NMNAT3: variants seen among roughly 807,000 people sequenced by gnomAD.
The protein encoded by NMNAT3 is nicotinamide/nicotinic acid mononucleotide adenylyltransferase 3.
A neutral mutation model predicts 24.8 loss-of-function variants in NMNAT3; 21 were observed. That is an observed-to-expected ratio of 0.85 (90% CI 0.60 to 1.22). The LOEUF (loss-of-function observed/expected upper bound fraction) is 1.22. NMNAT3 is among the 50% of genes most tolerant of loss of function. The pLI, the probability that NMNAT3 is intolerant of heterozygous loss-of-function variation, is 0.00. For missense variants in NMNAT3, 387 were observed against 436.6 expected (o/e 0.89, Z 1.01); for synonymous variants, 136 against 155.2 (o/e 0.88, Z 0.92).
chr3:139,652,006 C>T (rs1239561255), intron 1 of NMNAT3, among the ~76,000 whole-genome samples: 2 of 152,212 alleles, frequency 1.3e-5, no homozygotes, highest in Non-Finnish European at 2.9e-5. Context: ...GTCCAGCCCT[C>T]ACTGTTCCAC....
chr3:139,611,577 C>T (rs57346239), intron 3 of NMNAT3, among the ~76,000 whole-genome samples: 380 of 152,280 alleles, frequency 2.5e-3, no homozygotes, highest in African/African-American at 8.3e-3. Context: ...CTCTGAAGTT[C>T]ACCAAAATTC....
At chr3:139,589,783 A>C (rs1268486521) in intron 3 of NMNAT3, among the ~76,000 whole-genome samples, 4 of 152,162 alleles carry the variant, frequency 2.6e-5, no homozygotes, top group African/African-American at 9.7e-5. Flanking sequence ...TATGGATCAG[A>C]TTTGGCCCAT....
chr3:139,622,868 A>G (rs2055867862), intron 3 of NMNAT3, among the ~76,000 whole-genome samples: 1 of 145,460 alleles, frequency 6.9e-6, no homozygotes, highest in East Asian at 2.0e-4. Context: ...ATATATATAA[A>G]CAGTATACTT....
intron 1 of NMNAT3, among the ~76,000 whole-genome samples, chr3:139,660,013 T>C (rs868207759): frequency 7.9e-5 from 12 of 152,314 alleles, no homozygotes; most frequent in Middle Eastern, 3.4e-3. Flanking sequence ...TTCTTGAAGT[T>C]TGAGACCCAT....
chr3:139,652,784 A>T (rs1268455090), intron 1 of NMNAT3, among the ~76,000 whole-genome samples: 1 of 152,208 alleles, frequency 6.6e-6, no homozygotes, highest in Admixed American at 6.5e-5. Flanking sequence ...GAGATCCAAT[A>T]AACCACGCAT....
intron 1 of NMNAT3, among the ~76,000 whole-genome samples, chr3:139,675,145 C>CACACAA (rs1437669442): frequency 3.3e-5 from 5 of 151,728 alleles, no homozygotes; most frequent in Non-Finnish European, 5.9e-5. Flanking sequence ...TACACACACA[C>CACACAA]ACACACACAC....
intron 1 of NMNAT3, among the ~76,000 whole-genome samples, chr3:139,663,966 GT>G (rs34458260): frequency 1.3e-5 from 2 of 152,178 alleles, no homozygotes; most frequent in African/African-American, 4.8e-5. Flanking sequence ...CAACTACTGT[GT>G]TTTTTCCCCT....
intron 3 of NMNAT3, among the ~76,000 whole-genome samples, chr3:139,585,502 T>C (rs2053901957): frequency 6.6e-6 from 1 of 152,250 alleles, no homozygotes; most frequent in Non-Finnish European, 1.5e-5. Context: ...TTAGTCATAT[T>C]GTTTTCTTTT....
At position 139,644,501 on chromosome 3, in the gene NMNAT3, C is replaced by T. The variant is rs537718045; in HGVS notation, c.-140-6439G>A. On this transcript the variant is annotated intron_variant, in intron 1 of 6. Transcript: ENST00000643695. ...TCTTTGAGGATGTGTTCCAGCAAAA[C>T]AAGGAAGAAAAACAACCTAAGTAGA... is the stretch of plus-strand genomic sequence containing the variant. Among the ~76,000 whole-genome samples the T allele has an allele frequency of 3.3e-5, 5 of 152,202 alleles. No homozygotes were observed. The South Asian group carries it at 6.2e-4, about 19-fold the overall frequency.
At chr3:139,674,884 G>A (rs1332974470) in intron 1 of NMNAT3, among the ~76,000 whole-genome samples, 1 of 152,092 alleles carries the variant, frequency 6.6e-6, no homozygotes, top group Non-Finnish European at 1.5e-5. Flanking sequence ...TGAGGTCAGT[G>A]CTTCATATGC....
Position 139,673,565 on chromosome 3 carries a change from A to C in NMNAT3, c.-141+4140T>G, listed in dbSNP as rs2072122330. Among the ~76,000 whole-genome samples, 3 of 152,144 alleles carry C rather than the reference A, an allele frequency of 2.0e-5. No individual in the cohort carries two copies. In the South Asian group the frequency reaches 6.2e-4, roughly 32 times the overall value. ...ATAGTGATACTGACTATATTTCTCTATCTTTCTCCCTTCCACATGCGGCCC... is the reference window on the plus strand; with the variant it reads ...ATAGTGATACTGACTATATTTCTCTCTCTTTCTCCCTTCCACATGCGGCCC... On this transcript the variant is annotated intron_variant, in intron 1 of 6. Coordinates refer to ENST00000643695, the MANE Select transcript of NMNAT3 (RefSeq NM_001320510.2).
intron 3 of NMNAT3, among the ~76,000 whole-genome samples, chr3:139,592,408 CAGG>C (rs1345246012): frequency 4.6e-5 from 7 of 152,268 alleles, no homozygotes; most frequent in African/African-American, 1.4e-4. Flanking sequence ...GGATATTATC[CAGG>C]AGAACTTCCC....
chr3:139,649,632 T>A (rs1368591730), intron 1 of NMNAT3, among the ~76,000 whole-genome samples: 1 of 152,170 alleles, frequency 6.6e-6, no homozygotes, highest in Non-Finnish European at 1.5e-5. Flanking sequence ...AGTCAGTTCC[T>A]GCACGGTTAG....
intron 6 of NMNAT3, among the ~76,000 whole-genome samples, chr3:139,564,788 T>G (rs1461986554): frequency 6.6e-6 from 1 of 152,244 alleles, no homozygotes; most frequent in Non-Finnish European, 1.5e-5. Context: ...GCCAAACTTA[T>G]GCTGAGAAAA....
intron 3 of NMNAT3, among the ~76,000 whole-genome samples, chr3:139,620,642 G>A (rs2055726392): frequency 6.6e-6 from 1 of 152,046 alleles, no homozygotes; most frequent in African/African-American, 2.4e-5. Context: ...ACAAGTATTT[G>A]CATTTGCTTT....
At chr3:139,604,310 A>C (rs116053835) in intron 3 of NMNAT3, among the ~76,000 whole-genome samples, 2,358 of 152,348 alleles carry the variant, frequency 0.015, 57 homozygotes, top group African/African-American at 0.054. Context: ...AGGGGATTAC[A>C]GCAGACAAGT....
intron 2 of NMNAT3, chr3:139,636,164 C>G (rs537316487): frequency 6.6e-6 from 1 of 152,244 alleles, no homozygotes; most frequent in East Asian, 1.9e-4. Flanking sequence ...TTATACACAG[C>G]TAAACCTAAT....
At position 139,583,191 on chromosome 3, in the gene NMNAT3, G is replaced by C; in HGVS notation, c.127C>G (p.His43Asp). 1 of 1,221,356 alleles carries C rather than the reference G, an allele frequency of 8.2e-7. No homozygotes were observed. 75.7% of individuals were successfully genotyped at this position (1,221,356 alleles called of 1,614,324 possible). Residue 43 changes from histidine to aspartate, a missense_variant, in exon 4 of 7, where the codon CAT (histidine) becomes GAT (aspartate). By Grantham distance (81) the His-to-Asp change is moderately conservative (BLOSUM62 -1). This residue lies in a region of NMNAT3 where 51 missense variants were observed against 55.6 expected (regional missense o/e 0.92). Transcript: ENST00000643695. The stretch of plus-strand genomic sequence containing the variant: ...CCAGGAAAAACAAGTGCAACTTCAT[G>C]GTCCTTTTCTTCATATTCTGGAATA...
chr3:139,667,836 A>AG (rs1200786988), intron 1 of NMNAT3, among the ~76,000 whole-genome samples: 1 of 152,206 alleles, frequency 6.6e-6, no homozygotes, highest in Non-Finnish European at 1.5e-5. Flanking sequence ...ACAATCTGAG[A>AG]GGGGCAAGTA....
Sources: allele counts gnomAD v4.1 joint callset (sites outside exome capture counted in the v4.1 genomes callset), GRCh38; gene constraint gnomAD v4.1.1; regional missense constraint gnomAD v4.1.1; transcripts MANE v1.5; gene names NCBI Gene and HGNC (gene_info 2026-07-23, HGNC 2026-07-21).